ASTN2: variants seen among roughly 807,000 people sequenced by gnomAD.
ASTN2 encodes the protein astrotactin-2.
Under a neutral mutation model 139.8 loss-of-function variants are expected in ASTN2, and 54 were observed. That is an observed-to-expected ratio of 0.39 (90% CI 0.31 to 0.48). The LOEUF (loss-of-function observed/expected upper bound fraction) is 0.48. Among genes scored for constraint, ASTN2 ranks in the 20% least tolerant of loss-of-function variants. The pLI is 0.95. For synonymous variants in ASTN2, 756 were observed against 719.5 expected, an observed-to-expected ratio of 1.05 and a Z score of -0.81; for missense variants, 1,565 against 1,725.1, an observed-to-expected ratio of 0.91 and a Z score of 1.64.
chr9:116,825,116 T>C (rs1831592018), intron 11 of ASTN2, among the ~76,000 whole-genome samples: 1 of 152,188 alleles, frequency 6.6e-6, no homozygotes. Context: ...CTTGAAACTA[T>C]TTGGGACTGT....
At chr9:116,997,010 C>A (rs1837043387) in intron 7 of ASTN2, among the ~76,000 whole-genome samples, 1 of 151,982 alleles carries the variant, frequency 6.6e-6, no homozygotes, top group African/African-American at 2.4e-5. Flanking sequence ...CTTTTTGGTA[C>A]CTATAATCAT....
In ASTN2 at chr9:116,839,115, C is replaced by T. The variant is rs537322913; in HGVS notation, c.2041-18332G>A. ...AGTACTCCTCTCAACAATAGTATGC[C>T]TCAAAAATTATGGTAAATATTTTTT... On this transcript the variant is annotated intron_variant, in intron 11 of 22. Coordinates refer to ENST00000313400, the MANE Select transcript of ASTN2 (RefSeq NM_001365068.1). Among the ~76,000 whole-genome samples the T allele has an allele frequency of 6.6e-4, 101 of 152,090 alleles. 1 individual carries two copies. The highest frequency in any genetic ancestry group is 1.1e-3 in the Admixed American group (17 of 15,282).
intron 5 of ASTN2, among the ~76,000 whole-genome samples, chr9:117,093,015 A>G (rs1828745384): frequency 6.6e-6 from 1 of 152,180 alleles, no homozygotes; most frequent in South Asian, 2.1e-4. Flanking sequence ...ACAGGGTGCA[A>G]AGGAACCTGA....
chr9:116,903,553 G>A (rs1834075123), intron 10 of ASTN2, among the ~76,000 whole-genome samples: 1 of 152,142 alleles, frequency 6.6e-6, no homozygotes, highest in South Asian at 2.1e-4. Context: ...CTCAACAGGT[G>A]AATTAATAAT....
chr9:117,073,164 G>A (rs1341861532), intron 5 of ASTN2, among the ~76,000 whole-genome samples: 1 of 150,302 alleles, frequency 6.7e-6, no homozygotes. Flanking sequence ...GTCGCTCTCC[G>A]ATGAAAATAT....
chr9:116,475,309 C>T (rs1169216003), intron 20 of ASTN2, among the ~76,000 whole-genome samples: 2 of 152,192 alleles, frequency 1.3e-5, no homozygotes, highest in African/African-American at 4.8e-5. Flanking sequence ...TCCCTATTAT[C>T]AAGCATCTGG....
At chr9:117,167,170 C>T (rs1044819731) in intron 3 of ASTN2, among the ~76,000 whole-genome samples, 2 of 152,068 alleles carry the variant, frequency 1.3e-5, no homozygotes, top group Admixed American at 1.3e-4. Context: ...TCGAGCGAAA[C>T]ACACGATCTA....
At chr9:117,016,624 C>CTATATATATATA (rs1175306157) in intron 6 of ASTN2, among the ~76,000 whole-genome samples, 1 of 20,016 alleles carries the variant, frequency 5.0e-5, no homozygotes, top group African/African-American at 2.3e-4. Context: ...ATCTATCTAT[C>CTATATATATATA]TATATATATA....
At chr9:116,736,439 C>T (rs1828928286) in intron 13 of ASTN2, among the ~76,000 whole-genome samples, 1 of 152,230 alleles carries the variant, frequency 6.6e-6, no homozygotes, top group South Asian at 2.1e-4. Context: ...CTCATCACTG[C>T]TTGGGTAGAG....
chr9:117,149,130 G>A (rs1022234830), intron 3 of ASTN2, among the ~76,000 whole-genome samples: 5 of 151,578 alleles, frequency 3.3e-5, no homozygotes, highest in African/African-American at 9.7e-5. Flanking sequence ...AGTGATTCTC[G>A]TGCCTCAGAC....
intron 6 of ASTN2, among the ~76,000 whole-genome samples, chr9:117,026,114 T>C (rs1564390825): frequency 6.6e-6 from 1 of 151,988 alleles, no homozygotes; most frequent in Non-Finnish European, 1.5e-5. Flanking sequence ...TCTTTCTTTT[T>C]TTTTTAAATC....
intron 3 of ASTN2, among the ~76,000 whole-genome samples, chr9:117,200,940 C>T (rs978153666): frequency 6.6e-6 from 1 of 150,960 alleles, no homozygotes; most frequent in Non-Finnish European, 1.5e-5. Flanking sequence ...AGGAATGGTA[C>T]CAGCTCCTCT....
At chr9:116,894,414 T>C (rs1833835476) in intron 10 of ASTN2, among the ~76,000 whole-genome samples, 1 of 152,170 alleles carries the variant, frequency 6.6e-6, no homozygotes, top group Non-Finnish European at 1.5e-5. Flanking sequence ...TACCCCACTA[T>C]GAGTTTGACC....
At chr9:117,046,519 G>C (rs954011264) in intron 5 of ASTN2, among the ~76,000 whole-genome samples, 2 of 152,140 alleles carry the variant, frequency 1.3e-5, no homozygotes, top group Non-Finnish European at 2.9e-5. Flanking sequence ...GGCTCTGTAA[G>C]CTCTCAATAT....
intron 3 of ASTN2, among the ~76,000 whole-genome samples, chr9:117,184,679 A>G (rs1365896343): frequency 6.6e-6 from 1 of 152,108 alleles, no homozygotes; most frequent in African/African-American, 2.4e-5. Flanking sequence ...CTCACCCCCT[A>G]CATACACTGT....
intron 3 of ASTN2, among the ~76,000 whole-genome samples, chr9:117,149,720 G>A (rs1830284810): frequency 6.6e-6 from 1 of 152,118 alleles, no homozygotes; most frequent in Non-Finnish European, 1.5e-5. Context: ...AAAATACTAA[G>A]AAAGAAAACA....
chr9:116,778,724 T>C (rs1187520971), intron 13 of ASTN2, among the ~76,000 whole-genome samples: 6 of 152,172 alleles, frequency 3.9e-5, no homozygotes, highest in Non-Finnish European at 8.8e-5. Flanking sequence ...CTTTATTAAC[T>C]CAGAATTCTA....
intron 10 of ASTN2, among the ~76,000 whole-genome samples, chr9:116,900,237 T>C (rs1833973458): frequency 6.6e-6 from 1 of 152,214 alleles, no homozygotes; most frequent in Non-Finnish European, 1.5e-5. Flanking sequence ...ATGATGATAG[T>C]TACCATTTGT....
At chr9:116,819,507 A>G (rs1034263999) in intron 12 of ASTN2, among the ~76,000 whole-genome samples, 1 of 152,206 alleles carries the variant, frequency 6.6e-6, no homozygotes, top group African/African-American at 2.4e-5. Flanking sequence ...AAGCCCTGGA[A>G]GAAAAACTGG....
Sources: gnomAD v4.1 joint callset for allele counts (sites outside exome capture counted in the v4.1 genomes callset) on GRCh38, gnomAD v4.1.1 for gene constraint, MANE v1.5 for transcripts, NCBI Gene and HGNC (gene_info 2026-07-23, HGNC 2026-07-21) for gene names.